Variants in CTH observed in about 807,000 individuals in gnomAD.
CTH encodes the protein cystathionase (cystathionine gamma-lyase).
Under a neutral mutation model 50.6 loss-of-function variants are expected in CTH, and 41 were observed. The observed-to-expected ratio is 0.81, with a 90% confidence interval of 0.63 to 1.05. CTH has a LOEUF of 1.05. Among genes scored for constraint, CTH ranks in the 50% least tolerant of loss-of-function variants. The probability of loss-of-function intolerance (pLI) is 0.00; values close to 1 mark genes in which losing one functional copy is unlikely to be tolerated. For missense variants in CTH, 470 were observed against 492.6 expected, an observed-to-expected ratio of 0.95 and a Z score of 0.43; for synonymous variants, 156 against 168.9, an observed-to-expected ratio of 0.92 and a Z score of 0.59.
At position 70,411,396 on chromosome 1, in the gene CTH, T is replaced by C. The variant is rs1683957772; in HGVS notation, c.-20T>C. 6.2e-7 allele frequency: 1 copy of C among 1,613,568 alleles called. No homozygotes were observed. The highest frequency in any genetic ancestry group is 2.2e-5 in the East Asian group (1 of 44,882). On this transcript the variant is annotated 5_prime_UTR_variant, in exon 1 of 12. Transcript: ENST00000370938. ...ATATCTTCGGTGTTCTTTTCCTCTC[T>C]TCTTCTTTCGCGGTTCAGCATGCAG...
At chr1:70,412,475 G>A (rs1170851736) in intron 1 of CTH, among the ~76,000 whole-genome samples, 7 of 152,052 alleles carry the variant, frequency 4.6e-5, no homozygotes, top group African/African-American at 7.2e-5. Context: ...GCATGGTGGC[G>A]GGTAATCTCA....
intron 4 of CTH, 62 bp downstream of exon 4, chr1:70,421,737 T>C (rs1280493628): frequency 1.3e-6 from 2 of 1,494,920 alleles, no homozygotes; most frequent in African/African-American, 2.8e-5. Context: ...TCATCATTTC[T>C]GTTTACTAGA....
intron 10 of CTH, among the ~76,000 whole-genome samples, chr1:70,437,788 C>T (rs912585171): frequency 1.2e-4 from 18 of 152,156 alleles, no homozygotes; most frequent in African/African-American, 4.1e-4. Flanking sequence ...GAGAAAGCAG[C>T]TTAGGTATTG....
intron 5 of CTH, among the ~76,000 whole-genome samples, chr1:70,428,665 A>G (rs983140225): frequency 2.6e-5 from 4 of 151,998 alleles, no homozygotes; most frequent in Non-Finnish European, 5.9e-5. Context: ...GCTGGAGTGC[A>G]GTGGTGTCAT....
At chr1:70,421,771 A>C in intron 4 of CTH, 96 bp downstream of exon 4, 1 of 1,280,716 alleles carries the variant, frequency 7.8e-7, no homozygotes. Context: ...TGTGAATAAC[A>C]AATTTTATTT....
At chr1:70,412,819 T>C (rs764711339) in intron 1 of CTH, among the ~76,000 whole-genome samples, 1 of 152,220 alleles carries the variant, frequency 6.6e-6, no homozygotes, top group Non-Finnish European at 1.5e-5. Context: ...CGATGGTAAT[T>C]TGTTTTTTCA....
Position 70,438,800 on chromosome 1 carries a change from G to T in CTH, c.1165G>T (p.Asp389Tyr). 1 of 1,613,512 alleles carries T rather than the reference G, an allele frequency of 6.2e-7. No homozygotes were observed. The highest frequency in any genetic ancestry group is 8.5e-7 in the Non-Finnish European group (1 of 1,179,926). The part of the protein sequence containing the change: ...GLEDEEDLLE[D>Y]LDQALKAAHP... ...AGAGGATGAGGAAGACCTACTGGAA[G>T]ATCTAGATCAAGCTTTGAAGGCAGC... is the stretch of plus-strand genomic sequence containing the variant. The change falls in exon 11 of 12, where the codon GAT (aspartate) becomes TAT (tyrosine). Residue 389 changes from aspartate to tyrosine, a missense_variant. By Grantham distance (160) the Asp-to-Tyr change is radical (BLOSUM62 -3). Coordinates refer to ENST00000370938, the MANE Select transcript of CTH (RefSeq NM_001902.6).
chr1:70,415,644 A>G (rs1187393918), intron 1 of CTH, among the ~76,000 whole-genome samples: 1 of 152,210 alleles, frequency 6.6e-6, no homozygotes, highest in East Asian at 1.9e-4. Context: ...TCTTCACAAC[A>G]ATTTTATGAA....
At chr1:70,432,873 G>A (rs182071452) in intron 8 of CTH, among the ~76,000 whole-genome samples, 3 of 151,746 alleles carry the variant, frequency 2.0e-5, no homozygotes, top group African/African-American at 7.3e-5. Flanking sequence ...TAGTAAAGAC[G>A]GGGTTTCACC....
intron 8 of CTH, among the ~76,000 whole-genome samples, chr1:70,432,963 C>T (rs141871385): frequency 0.078 from 11,774 of 151,070 alleles, 532 homozygotes; most frequent in Middle Eastern, 0.18. Context: ...GGATTACAGG[C>T]GTGAGCCACT....
In CTH at chr1:70,435,178, G is replaced by C. The variant is rs570239863; in HGVS notation, c.1052+1G>C. On this transcript the variant is annotated splice_donor_variant, in intron 10 of 11. Coordinates refer to ENST00000370938, the MANE Select transcript of CTH (RefSeq NM_001902.6). LOFTEE classifies it high-confidence loss of function. ...GATTCGAAAGCCTTGCTGAGCTTCCGTAAGTATAGTTCTGTTTTTCTCAGT... is the reference window on the plus strand; with the variant it reads ...GATTCGAAAGCCTTGCTGAGCTTCCCTAAGTATAGTTCTGTTTTTCTCAGT... 2.5e-6 allele frequency: 4 copies of C among 1,612,062 alleles called. No individual in the cohort carries two copies. The highest frequency in any genetic ancestry group is 1.7e-5 in the Admixed American group (1 of 59,928).
intron 8 of CTH, among the ~76,000 whole-genome samples, chr1:70,433,543 T>C (rs972325906): frequency 6.6e-6 from 1 of 152,082 alleles, no homozygotes; most frequent in Non-Finnish European, 1.5e-5. Flanking sequence ...TTACAGGATA[T>C]AATTAACAAG....
chr1:70,435,744 C>T (rs1684583762), intron 10 of CTH, among the ~76,000 whole-genome samples: 1 of 152,098 alleles, frequency 6.6e-6, no homozygotes, highest in Non-Finnish European at 1.5e-5. Flanking sequence ...ATCAATTCAT[C>T]TAGTTTTTTC....
At chr1:70,423,380 C>T (rs1183362794) in intron 4 of CTH, among the ~76,000 whole-genome samples, 2 of 150,210 alleles carry the variant, frequency 1.3e-5, no homozygotes, top group African/African-American at 4.9e-5. Context: ...AGATATATAG[C>T]GAGACCCTTT....
At position 70,415,987 on chromosome 1, in the gene CTH, C is replaced by T. The variant is rs28941785; in HGVS notation, c.200C>T (p.Thr67Ile). 12,927 of 1,610,620 alleles carry T rather than the reference C, an allele frequency of 8.0e-3. 73 individuals are homozygous for T. The highest frequency in any genetic ancestry group is 9.7e-3 in the Admixed American group (584 of 60,012). The change falls in exon 2 of 12, where the codon ACT (threonine) becomes ATT (isoleucine). Residue 67 changes from threonine (T) to isoleucine (I), a missense_variant. Thr to Ile is a moderately conservative substitution (Grantham distance 89). Coordinates refer to ENST00000370938, the MANE Select transcript of CTH (RefSeq NM_001902.6). ...GAATATAGCCGTTCTGGAAATCCCA[C>T]TAGGAATTGCCTTGAAAAAGCAGTG... is the stretch of plus-strand genomic sequence containing the variant. ...GFEYSRSGNP[T>I]RNCLEKAVAA...
intron 3 of CTH, 96 bp downstream of exon 3, chr1:70,418,128 G>T (rs1684133463): frequency 1.4e-6 from 2 of 1,433,228 alleles, no homozygotes; most frequent in East Asian, 2.4e-5. Flanking sequence ...CAGTATTTTT[G>T]ATTATTTATT....
At chr1:70,422,935 A>C (rs1341517058) in intron 4 of CTH, among the ~76,000 whole-genome samples, 1 of 152,086 alleles carries the variant, frequency 6.6e-6, no homozygotes, top group Non-Finnish European at 1.5e-5. Flanking sequence ...CTAAGGGAGG[A>C]AAGCAAATTA....
chr1:70,414,538 T>C (rs902915490), intron 1 of CTH, among the ~76,000 whole-genome samples: 1 of 151,878 alleles, frequency 6.6e-6, no homozygotes, highest in Non-Finnish European at 1.5e-5. Flanking sequence ...CAAGGGCACA[T>C]AGCAACAAAA....
intron 1 of CTH, among the ~76,000 whole-genome samples, chr1:70,413,057 G>T (rs983066243): frequency 1.3e-5 from 2 of 151,890 alleles, no homozygotes; most frequent in African/African-American, 2.4e-5. Flanking sequence ...AGATTTGTAA[G>T]AATTAGTTAA....
Sources: allele counts gnomAD v4.1 joint callset (sites outside exome capture counted in the v4.1 genomes callset), GRCh38; gene constraint gnomAD v4.1.1; transcripts MANE v1.5; gene names NCBI Gene and HGNC (gene_info 2026-07-23, HGNC 2026-07-21).